EML6: variants seen among roughly 807,000 people sequenced by gnomAD.
EML6 encodes the protein EMAP like 6, also known as echinoderm microtubule-associated protein-like 6.
Under a neutral mutation model 240.1 loss-of-function variants are expected in EML6, and 154 were observed. The observed-to-expected ratio is 0.64, with a 90% CI of 0.56 to 0.73. EML6 has a LOEUF of 0.73. Ranked by LOEUF, EML6 falls within the 30% of genes least tolerant of loss-of-function variation. The pLI, the probability that EML6 is intolerant of heterozygous loss-of-function variation, is 0.00. For synonymous variants in EML6, 1,148 were observed against 899.0 expected (o/e 1.28, Z -4.95); for missense variants, 2,964 against 2,474.6 (o/e 1.20, Z -4.20).
intron 26 of EML6, among the ~76,000 whole-genome samples, chr2:54,923,292 A>G (rs1310048585): frequency 1.3e-5 from 2 of 150,234 alleles, no homozygotes; most frequent in East Asian, 2.0e-4. Flanking sequence ...GATGTAGAGC[A>G]TGGTGACTGT....
At chr2:54,846,919 T>G in intron 8 of EML6, among the ~76,000 whole-genome samples, 1 of 125,310 alleles carries the variant, frequency 8.0e-6, no homozygotes, top group East Asian at 2.3e-4. Context: ...TTGTATGAAG[T>G]AGTATTTTTT....
chr2:54,924,457 G>GA (rs1161888361), intron 26 of EML6, among the ~76,000 whole-genome samples: 1 of 152,066 alleles, frequency 6.6e-6, no homozygotes, highest in Non-Finnish European at 1.5e-5. Flanking sequence ...TGTATTTCTT[G>GA]AGTTCTCTAT....
chr2:54,797,167 A>AAAAAAAAAAAAACAAAAAAAAC (rs1669838688), intron 2 of EML6, among the ~76,000 whole-genome samples: 1 of 114,020 alleles, frequency 8.8e-6, no homozygotes, highest in African/African-American at 3.2e-5. Flanking sequence ...TCCATCTCAA[A>AAAAAAAAAAAAACAAAAAAAAC]AAAAAAAAAA....
At position 54,891,141 on chromosome 2, in the gene EML6, C is replaced by A; in HGVS notation, c.2526C>A (p.Phe842Leu). Reference protein sequence around the residue: ...LVTVGIKHIKFWQQAGGGFTS... With the variant: ...LVTVGIKHIKLWQQAGGGFTS... ...CAGTTGGGATAAAACACATCAAATT[C>A]TGGCAACAAGCAGGTACTGTCGTTT... The change falls in exon 18 of 42, where the codon TTC (phenylalanine) becomes TTA (leucine). Residue 842 changes from phenylalanine (F) to leucine (L), a missense_variant. By Grantham distance (22) the Phe-to-Leu change is conservative. Transcript: ENST00000356458. 1 of 1,472,926 alleles carries A rather than the reference C, an allele frequency of 6.8e-7. No homozygotes were observed. The highest frequency in any genetic ancestry group is 9.2e-7 in the Non-Finnish European group (1 of 1,088,814). The allele number at this position is 1,472,926 out of a possible 1,614,324, so 91.2% of individuals were successfully genotyped here. A position where few individuals can be genotyped will look rare whatever the true frequency, so the allele number is the denominator to read the frequency against.
chr2:54,898,691 G>A (rs1402925822), intron 21 of EML6, among the ~76,000 whole-genome samples: 2 of 152,122 alleles, frequency 1.3e-5, no homozygotes, highest in African/African-American at 2.4e-5. Flanking sequence ...AAGCATTCCA[G>A]CTACAAACAC....
At chr2:54,750,186 C>T (rs897964043) in intron 2 of EML6, among the ~76,000 whole-genome samples, 2 of 152,162 alleles carry the variant, frequency 1.3e-5, no homozygotes, top group Non-Finnish European at 2.9e-5. Context: ...CGATATTTGG[C>T]TTTTGGATAT....
Position 54,903,099 on chromosome 2 carries a change from C to T in EML6, c.3180C>T (p.Asn1060=), listed in dbSNP as rs371971106. The change falls in exon 23 of 42, where the codon AAC becomes AAT. Residue 1060 remains asparagine (N), a synonymous_variant. Transcript: ENST00000356458. ...GGAAAGCCTTAGCGGTTGGCTTGAA[C>T]GATGGGAGTTTCCTGGTGGTAAATG... The part of the protein sequence containing the change: ...PDGKALAVGL[N]DGSFLVVNAD... 9.5e-5 allele frequency: 147 copies of T among 1,551,618 alleles called. No homozygotes were observed. The highest frequency in any genetic ancestry group is 1.1e-4 in the Non-Finnish European group (129 of 1,146,934).
chr2:54,805,914 C>T lies in EML6; in HGVS notation c.198-7318C>T, dbSNP rs78874040. ...TGTCTGTTGAAAAACAATCCTTTCCCCTGATGAGTTATCTTAACACTTTTG... is the reference window on the plus strand; with the variant it reads ...TGTCTGTTGAAAAACAATCCTTTCCTCTGATGAGTTATCTTAACACTTTTG... On this transcript the variant is annotated intron_variant, in intron 2 of 41. Coordinates refer to ENST00000356458, the MANE Select transcript of EML6 (RefSeq NM_001039753.4). Among the ~76,000 whole-genome samples, 842 of 152,166 alleles carry T rather than the reference C, an allele frequency of 5.5e-3. 4 individuals are homozygous for T. Among genetic ancestry groups the T allele is most frequent in the African/African-American group, 0.019 (805 of 41,532 alleles).
chr2:54,883,334 G>A (rs1464445729), intron 17 of EML6, among the ~76,000 whole-genome samples: 2 of 151,818 alleles, frequency 1.3e-5, no homozygotes, highest in East Asian at 1.9e-4. Context: ...TACCTGTCTT[G>A]TTCTATATTA....
intron 14 of EML6, 133 bp from the exon 15 acceptor site, chr2:54,869,048 G>A: frequency 1.8e-6 from 1 of 569,860 alleles, no homozygotes; most frequent in Non-Finnish European, 3.1e-6. Flanking sequence ...TTTAAACATT[G>A]CTGTCCTATG....
At chr2:54,906,902 G>A (rs891588375) in intron 24 of EML6, among the ~76,000 whole-genome samples, 1 of 152,312 alleles carries the variant, frequency 6.6e-6, no homozygotes, top group South Asian at 2.1e-4. Flanking sequence ...TTTAGAAGCA[G>A]GGTTCTGTTT....
At chr2:54,878,306 G>C (rs1258949182) in intron 16 of EML6, among the ~76,000 whole-genome samples, 1 of 152,174 alleles carries the variant, frequency 6.6e-6, no homozygotes, top group African/African-American at 2.4e-5. Flanking sequence ...TCACAGACCT[G>C]TGTTGCTTTA....
intron 2 of EML6, among the ~76,000 whole-genome samples, chr2:54,754,413 A>G (rs1473726673): frequency 6.6e-6 from 1 of 152,144 alleles, no homozygotes; most frequent in African/African-American, 2.4e-5. Context: ...GTAATTTCCT[A>G]TTATGGCAGC....
At chr2:54,897,126 A>C (rs1672813075) in intron 21 of EML6, among the ~76,000 whole-genome samples, 1 of 152,174 alleles carries the variant, frequency 6.6e-6, no homozygotes, top group Non-Finnish European at 1.5e-5. Context: ...TGAGAATGTA[A>C]ATTGTTTCCA....
At chr2:54,766,610 C>A (rs1024498310) in intron 2 of EML6, among the ~76,000 whole-genome samples, 1 of 147,576 alleles carries the variant, frequency 6.8e-6, no homozygotes, top group African/African-American at 2.5e-5. Context: ...TTCTCTATGG[C>A]AAAGTTACTA....
intron 2 of EML6, among the ~76,000 whole-genome samples, chr2:54,762,060 G>C (rs929262425): frequency 6.6e-6 from 1 of 151,698 alleles, no homozygotes; most frequent in African/African-American, 2.4e-5. Context: ...TTGCCTTTAG[G>C]GCAATTTTTT....
Position 54,970,144 on chromosome 2 carries a change from A to G in EML6, c.*49A>G, listed in dbSNP as rs544355872. On this transcript the variant is annotated 3_prime_UTR_variant, in exon 42 of 42. Coordinates refer to ENST00000356458, the MANE Select transcript of EML6 (RefSeq NM_001039753.4). ...TTGCTGCTGCTGCTACCAGCCAGCA[A>G]CTGCAGAGGCCATGCTGAGGTGCCT... The G allele has an allele frequency of 4.9e-5, 76 of 1,544,722 alleles. No individual in the cohort carries two copies. In the African/African-American group the frequency reaches 9.7e-4, roughly 20 times the overall value.
At chr2:54,862,823 T>C (rs1267702762) in intron 12 of EML6, among the ~76,000 whole-genome samples, 1 of 152,178 alleles carries the variant, frequency 6.6e-6, no homozygotes, top group Non-Finnish European at 1.5e-5. Context: ...ATTTCCCAAA[T>C]GCAAGTTGAA....
chr2:54,846,379 T>C (rs2103703815), intron 8 of EML6, among the ~76,000 whole-genome samples: 1 of 152,034 alleles, frequency 6.6e-6, no homozygotes, highest in African/African-American at 2.4e-5. Flanking sequence ...TTATGTATAC[T>C]GATATGTAGA....
Sources: gnomAD v4.1 joint callset for allele counts (sites outside exome capture counted in the v4.1 genomes callset) on GRCh38, gnomAD v4.1.1 for gene constraint, MANE v1.5 for transcripts, NCBI Gene and HGNC (gene_info 2026-07-23, HGNC 2026-07-21) for gene names.